CDC42SE2: variants seen among roughly 807,000 people sequenced by gnomAD.
CDC42SE2 encodes the protein CDC42 small effector 2, also known as CDC42 small effector protein 2.
CDC42SE2 carries 3 observed loss-of-function variants against 11.5 expected under a neutral mutation model. The ratio of observed to expected loss-of-function variants is 0.26; its 90% CI spans 0.12 to 0.67. The LOEUF is 0.67. CDC42SE2 is among the 30% of genes least tolerant of loss of function. CDC42SE2 has a pLI of 0.80. For synonymous variants in CDC42SE2, 33 were observed against 34.8 expected, an observed-to-expected ratio of 0.95 and a Z score of 0.18; for missense variants, 82 against 106.8, an observed-to-expected ratio of 0.77 and a Z score of 1.02.
At chr5:131,255,155 G>A (rs989918587) in exon 2 of CDC42SE2, 8 of 152,164 alleles carry the variant, frequency 5.3e-5, no homozygotes, top group African/African-American at 1.9e-4. Flanking sequence ...GTACTAAGCT[G>A]TCGGGTACCA....
chr5:131,327,283 A>G (rs1369292256), intron 2 of CDC42SE2, among the ~76,000 whole-genome samples: 1 of 152,136 alleles, frequency 6.6e-6, no homozygotes, highest in Non-Finnish European at 1.5e-5. Context: ...ATACTCTAGC[A>G]TTCTCATACG....
chr5:131,264,417 G>A (rs1756809280), intron 1 of CDC42SE2, among the ~76,000 whole-genome samples: 1 of 152,222 alleles, frequency 6.6e-6, no homozygotes, highest in Admixed American at 6.5e-5. Flanking sequence ...ATGGTTACAC[G>A]CTCAGTTCAG....
In CDC42SE2 at chr5:131,310,629, T is replaced by C. The variant is rs558844127; in HGVS notation, c.-454-5347T>C. Among the ~76,000 whole-genome samples, 714 of 151,946 alleles carry C rather than the reference T, an allele frequency of 4.7e-3. 4 individuals are homozygous for C. The highest frequency in any genetic ancestry group is 0.016 in the African/African-American group (657 of 41,340). The stretch of plus-strand genomic sequence containing the variant: ...GGACTTGCTTTATGAATCTGGGTGC[T>C]CCTGTATTGGGTGCATATATATTTA... On this transcript the variant is annotated intron_variant, in intron 1 of 4. Coordinates refer to ENST00000505065, the MANE Select transcript of CDC42SE2 (RefSeq NM_001375635.1).
chr5:131,228,137 G>T, the CDC42SE2 span, among the ~76,000 whole-genome samples: 25 of 152,184 alleles, frequency 1.6e-4, no homozygotes, highest in Non-Finnish European at 2.8e-4. Context: ...AACCTGGGAG[G>T]TGGAGGTTGC....
chr5:131,244,178 A>G (rs1013607680), upstream of CDC42SE2, among the ~76,000 whole-genome samples: 3 of 152,246 alleles, frequency 2.0e-5, no homozygotes, highest in African/African-American at 7.2e-5. Flanking sequence ...GACTTCATAA[A>G]GTGGCCCCAA....
chr5:131,335,484 G>T (rs189251911), intron 2 of CDC42SE2, among the ~76,000 whole-genome samples: 1,569 of 152,082 alleles, frequency 0.01, 19 homozygotes, highest in African/African-American at 0.032. Flanking sequence ...CTATTAGGTC[G>T]GCTTGGTGCA....
intron 2 of CDC42SE2, among the ~76,000 whole-genome samples, chr5:131,333,685 C>T (rs1460017205): frequency 6.6e-6 from 1 of 152,068 alleles, no homozygotes; most frequent in African/African-American, 2.4e-5. Flanking sequence ...TCCTTCACAT[C>T]CCTTGTAAGT....
intron 2 of CDC42SE2, among the ~76,000 whole-genome samples, chr5:131,324,068 T>G (rs1239834536): frequency 6.6e-6 from 1 of 152,214 alleles, no homozygotes; most frequent in Non-Finnish European, 1.5e-5. Context: ...TTACTTGCAG[T>G]TCTTGTTTTT....
At chr5:131,267,232 TTTAG>T (rs1207589104) in intron 1 of CDC42SE2, among the ~76,000 whole-genome samples, 1 of 151,964 alleles carries the variant, frequency 6.6e-6, no homozygotes, top group Non-Finnish European at 1.5e-5. Context: ...TTTTTGTATT[TTTAG>T]TAGAGACAGG....
chr5:131,344,905 A>G (rs923586861), intron 2 of CDC42SE2, among the ~76,000 whole-genome samples: 1 of 152,206 alleles, frequency 6.6e-6, no homozygotes, highest in African/African-American at 2.4e-5. Context: ...GTGGACCTCC[A>G]GCAAACTCCA....
chr5:131,339,230 G>GAGT (rs957534390), intron 2 of CDC42SE2, among the ~76,000 whole-genome samples: 1 of 115,148 alleles, frequency 8.7e-6, no homozygotes, highest in Non-Finnish European at 1.7e-5. Flanking sequence ...CGTGGTGACA[G>GAGT]AGTGAGACTC....
At chr5:131,330,755 T>C (rs917104584) in intron 2 of CDC42SE2, among the ~76,000 whole-genome samples, 2 of 149,058 alleles carry the variant, frequency 1.3e-5, no homozygotes, top group Non-Finnish European at 3.0e-5. Flanking sequence ...TTCCTGTAAT[T>C]CCAGTAATCC....
At chr5:131,298,824 T>C (rs1757625565) in intron 1 of CDC42SE2, among the ~76,000 whole-genome samples, 1 of 152,160 alleles carries the variant, frequency 6.6e-6, no homozygotes, top group Admixed American at 6.6e-5. Flanking sequence ...TTTGCCACAT[T>C]TCTGAATCTG....
At chr5:131,228,864 C>A in the CDC42SE2 span, among the ~76,000 whole-genome samples, 1 of 152,218 alleles carries the variant, frequency 6.6e-6, no homozygotes, top group African/African-American at 2.4e-5. Flanking sequence ...CAGCTGTCTG[C>A]AAGCCAGGAA....
chr5:131,339,043 C>G (rs1038633342), intron 2 of CDC42SE2, among the ~76,000 whole-genome samples: 8 of 151,842 alleles, frequency 5.3e-5, no homozygotes, highest in Admixed American at 2.6e-4. Context: ...GTCAGAAGAT[C>G]GAGACCATAC....
At chr5:131,238,325 G>C in the CDC42SE2 span, among the ~76,000 whole-genome samples, 1 of 151,898 alleles carries the variant, frequency 6.6e-6, no homozygotes, top group South Asian at 2.1e-4. Context: ...GTGAAAACCC[G>C]TCTCTACTAA....
chr5:131,225,982 C>A, the CDC42SE2 span, among the ~76,000 whole-genome samples: 1 of 152,132 alleles, frequency 6.6e-6, no homozygotes, highest in East Asian at 1.9e-4. Flanking sequence ...AGCAGAGATT[C>A]TTGATTTGAT....
intron 1 of CDC42SE2, among the ~76,000 whole-genome samples, chr5:131,293,514 G>A (rs1223511524): frequency 6.7e-6 from 1 of 149,228 alleles, no homozygotes; most frequent in African/African-American, 2.5e-5. Flanking sequence ...GGAGGTTGCA[G>A]TGAGTGGAGA....
chr5:131,217,929 C>T, the CDC42SE2 span, among the ~76,000 whole-genome samples: 2 of 152,062 alleles, frequency 1.3e-5, no homozygotes, highest in African/African-American at 4.8e-5. Context: ...AATCTCAGCA[C>T]TTTGAGAGGC....
Sources: allele counts gnomAD v4.1 joint callset (sites outside exome capture counted in the v4.1 genomes callset), GRCh38; gene constraint gnomAD v4.1.1; transcripts MANE v1.5; gene names NCBI Gene and HGNC (gene_info 2026-07-23, HGNC 2026-07-21).